Variants in ARPC2 observed in about 807,000 individuals in gnomAD.
ARPC2 encodes actin-related protein 2/3 complex subunit 2.
In ARPC2, 4 loss-of-function variants were observed where a neutral mutation model predicts 38.6. The ratio of observed to expected loss-of-function variants is 0.10; its 90% CI spans 0.05 to 0.24. The LOEUF is 0.24. Among genes scored for constraint, ARPC2 ranks in the 10% least tolerant of loss-of-function variants. ARPC2 has a pLI of 1.00. For missense variants in ARPC2, 229 were observed against 387.3 expected (o/e 0.59, Z 3.43); for synonymous variants, 125 against 140.8 (o/e 0.89, Z 0.79).
intron 7 of ARPC2, among the ~76,000 whole-genome samples, chr2:218,241,196 C>CA (rs1454640368): frequency 6.6e-6 from 1 of 152,218 alleles, no homozygotes; most frequent in Non-Finnish European, 1.5e-5. Flanking sequence ...AGTTGAAAGA[C>CA]AGCTGTGCTT....
At chr2:218,246,104 G>A (rs1033629260) in intron 8 of ARPC2, among the ~76,000 whole-genome samples, 1 of 151,658 alleles carries the variant, frequency 6.6e-6, no homozygotes, top group Non-Finnish European at 1.5e-5. Context: ...GTAGTCCCAG[G>A]TACTCCAGAG....
intron 3 of ARPC2, chr2:218,227,142 A>T: frequency 2.5e-6 from 1 of 399,798 alleles, no homozygotes; most frequent in Non-Finnish European, 5.2e-6. Flanking sequence ...GCATTGCCAG[A>T]TATCCCTTCG....
chr2:218,227,846 C>T (rs867193319), intron 3 of ARPC2, among the ~76,000 whole-genome samples: 114 of 152,270 alleles, frequency 7.5e-4, no homozygotes, highest in African/African-American at 2.3e-3. Flanking sequence ...CCCACCTCGG[C>T]CTCCCAAAGT....
chr2:218,236,888 C>G (rs1215377490), intron 5 of ARPC2, among the ~76,000 whole-genome samples: 1 of 151,972 alleles, frequency 6.6e-6, no homozygotes, highest in Non-Finnish European at 1.5e-5. Context: ...CCATACAGTT[C>G]TGGTGAAGTT....
At chr2:218,225,192 G>C (rs541768900) in intron 2 of ARPC2, among the ~76,000 whole-genome samples, 3 of 152,208 alleles carry the variant, frequency 2.0e-5, no homozygotes, top group Non-Finnish European at 4.4e-5. Flanking sequence ...AAGGTGTAAG[G>C]GTATTTGTCC....
At position 218,253,997 on chromosome 2, in the gene ARPC2, G is replaced by A. The variant is rs780978675; in HGVS notation, c.*82G>A. 12 of 1,570,480 alleles carry A rather than the reference G, an allele frequency of 7.6e-6. No individual in the cohort carries two copies. Among genetic ancestry groups the A allele is most frequent in the East Asian group, 6.7e-5 (3 of 44,520 alleles). ...GGATAATCGTAGCTTTTAATGTTGC[G>A]CCTCTTCAGGTTCTTAAGGGATTCT... On this transcript the variant is annotated 3_prime_UTR_variant, in exon 11 of 11. Coordinates refer to ENST00000315717, the MANE Select transcript of ARPC2 (RefSeq NM_152862.3).
intron 6 of ARPC2, 84 bp from the exon 7 acceptor site, chr2:218,239,307 C>A: frequency 1.1e-6 from 1 of 930,878 alleles, no homozygotes; most frequent in Non-Finnish European, 1.7e-6. Context: ...ATGACTTTAG[C>A]CTTCTGATGT....
chr2:218,223,688 G>A (rs1357173088), intron 2 of ARPC2, among the ~76,000 whole-genome samples: 1 of 152,170 alleles, frequency 6.6e-6, no homozygotes, highest in Non-Finnish European at 1.5e-5. Flanking sequence ...CATTTGAGGA[G>A]CATTGCCTGT....
At chr2:218,229,042 TA>T in intron 4 of ARPC2, 192 bp downstream of exon 4, 3 of 453,020 alleles carry the variant, frequency 6.6e-6, no homozygotes, top group Non-Finnish European at 1.2e-5. Flanking sequence ...TTGCTTGCTT[TA>T]AAACAATGGA....
At chr2:218,223,978 A>G (rs1271399746) in intron 2 of ARPC2, among the ~76,000 whole-genome samples, 2 of 152,230 alleles carry the variant, frequency 1.3e-5, no homozygotes, top group East Asian at 3.9e-4. Context: ...GAGTTCTCGG[A>G]CCTCTAACTC....
At chr2:218,249,723 T>A in intron 9 of ARPC2, 98 bp from the exon 10 acceptor site, 1 of 1,210,708 alleles carries the variant, frequency 8.3e-7, no homozygotes, top group South Asian at 1.4e-5. Flanking sequence ...CCAGGGTGTA[T>A]GTTCCCAACC....
intron 4 of ARPC2, among the ~76,000 whole-genome samples, chr2:218,230,393 G>A (rs1156691635): frequency 7.6e-6 from 1 of 131,986 alleles, no homozygotes. Flanking sequence ...CCAGGCTCAA[G>A]CAGTCCTCTC....
chr2:218,246,566 C>G (rs1188962204), intron 8 of ARPC2, among the ~76,000 whole-genome samples: 1 of 151,944 alleles, frequency 6.6e-6, no homozygotes, highest in African/African-American at 2.4e-5. Context: ...ATAGGCGGGG[C>G]ACAGTGGCTC....
chr2:218,234,522 C>A, intron 5 of ARPC2, 125 bp downstream of exon 5: 4 of 816,272 alleles, frequency 4.9e-6, no homozygotes, highest in Non-Finnish European at 7.7e-6. Context: ...TGAGCCCATT[C>A]CTAATTTCAA....
intron 4 of ARPC2, among the ~76,000 whole-genome samples, chr2:218,229,975 CTT>C (rs531013535): frequency 1.4e-5 from 2 of 145,796 alleles, no homozygotes; most frequent in Non-Finnish European, 3.0e-5. Flanking sequence ...AGCCCTGCCT[CTT>C]TTTTTTTTTT....
chr2:218,217,654 C>A, intron 2 of ARPC2, 110 bp downstream of exon 2: 2 of 1,202,076 alleles, frequency 1.7e-6, no homozygotes, highest in African/African-American at 1.5e-5. Context: ...GGGTGCCTGG[C>A]AGGGTGTAGG....
intron 5 of ARPC2, among the ~76,000 whole-genome samples, chr2:218,237,107 C>CTG (rs1428726635): frequency 6.6e-6 from 1 of 152,166 alleles, no homozygotes; most frequent in African/African-American, 2.4e-5. Flanking sequence ...TATTGATGAC[C>CTG]TGTCATGTTC....
chr2:218,234,332 G>A lies in ARPC2; in HGVS notation c.223-20G>A. The A allele has an allele frequency of 6.3e-7, 1 of 1,575,532 alleles. No individual in the cohort carries two copies. Among genetic ancestry groups the A allele is most frequent in the Non-Finnish European group, 8.7e-7 (1 of 1,151,820 alleles). On this transcript the variant is annotated intron_variant, in intron 4 of 10. Coordinates refer to ENST00000315717, the MANE Select transcript of ARPC2 (RefSeq NM_152862.3). ...CCTTTGGATTAACGTATTTGGTTTT[G>A]TTTTGTTTTTATTTTCTAGTTATTA...
At chr2:218,243,011 T>C (rs1031633415) in intron 7 of ARPC2, among the ~76,000 whole-genome samples, 10 of 152,220 alleles carry the variant, frequency 6.6e-5, no homozygotes, top group Admixed American at 4.6e-4. Context: ...TTTTGAGTTA[T>C]AGGTAGAAAG....
Sources: gnomAD v4.1 joint callset for allele counts (sites outside exome capture counted in the v4.1 genomes callset) on GRCh38, gnomAD v4.1.1 for gene constraint, MANE v1.5 for transcripts, NCBI Gene and HGNC (gene_info 2026-07-23, HGNC 2026-07-21) for gene names.